Variants in KCNIP3 observed in about 807,000 individuals in gnomAD.
KCNIP3 encodes the protein potassium voltage-gated channel interacting protein 3.
Under a neutral mutation model 35.0 loss-of-function variants are expected in KCNIP3, and 28 were observed. The observed-to-expected ratio is 0.80, with a 90% confidence interval of 0.59 to 1.10. The LOEUF (loss-of-function observed/expected upper bound fraction) is 1.10. KCNIP3 is among the 50% of genes least tolerant of loss of function. KCNIP3 has a pLI of 0.00. For missense variants in KCNIP3, 295 were observed against 338.4 expected, an observed-to-expected ratio of 0.87 and a Z score of 1.01; for synonymous variants, 134 against 133.8, an observed-to-expected ratio of 1.00 and a Z score of -0.01.
chr2:95,335,646 C>T (rs1679042817), intron 2 of KCNIP3, among the ~76,000 whole-genome samples: 1 of 152,142 alleles, frequency 6.6e-6, no homozygotes, highest in Non-Finnish European at 1.5e-5. Flanking sequence ...TTATTAAACC[C>T]ATGATATGAT....
At chr2:95,346,132 T>C (rs1330980186) in intron 2 of KCNIP3, among the ~76,000 whole-genome samples, 1 of 152,162 alleles carries the variant, frequency 6.6e-6, no homozygotes, top group Non-Finnish European at 1.5e-5. Flanking sequence ...CTTCTGCATT[T>C]TCAAAGGGGG....
At chr2:95,331,767 G>A (rs1471395673) in intron 2 of KCNIP3, among the ~76,000 whole-genome samples, 1 of 152,240 alleles carries the variant, frequency 6.6e-6, no homozygotes, top group Admixed American at 6.5e-5. Flanking sequence ...AGTCACGACA[G>A]GAATACCCAC....
Position 95,310,368 on chromosome 2 carries a change from C to A in KCNIP3, c.29C>A (p.Ala10Glu). The change falls in exon 2 of 9, where the codon GCG becomes GAG. Residue 10 changes from alanine to glutamate, a missense_variant. Transcript: ENST00000295225. ...TTCCTACTGCAGGAAGTGACAAAGG[C>A]GTCGGACGGCAGCCTCCTGGGGGAC... The part of the protein sequence containing the change: MQPAKEVTK[A>E]SDGSLLGDLG... 6.2e-7 allele frequency: 1 copy of A among 1,611,546 alleles called. No homozygotes were observed. The highest frequency in any genetic ancestry group is 1.1e-5 in the South Asian group (1 of 90,872).
intron 2 of KCNIP3, chr2:95,311,347 G>C (rs1219631351): frequency 6.6e-6 from 1 of 152,366 alleles, no homozygotes; most frequent in African/African-American, 2.4e-5. Context: ...ACACTCATGG[G>C]ATCACACATG....
chr2:95,305,181 C>T (rs757080697), intron 1 of KCNIP3, among the ~76,000 whole-genome samples: 1 of 152,194 alleles, frequency 6.6e-6, no homozygotes, highest in African/African-American at 2.4e-5. Flanking sequence ...AGGCCGGCAT[C>T]GAGCAGGAGT....
At chr2:95,373,944 C>T (rs895352521) in intron 2 of KCNIP3, among the ~76,000 whole-genome samples, 6 of 152,194 alleles carry the variant, frequency 3.9e-5, no homozygotes, top group Admixed American at 3.3e-4. Flanking sequence ...TTCAAGTGTC[C>T]CTCATGCCTG....
rs556711196 is a variant in KCNIP3, at chr2:95,361,616, G to A, written c.182-12680G>A. Among the ~76,000 whole-genome samples, 8 of 152,264 alleles carry A rather than the reference G, an allele frequency of 5.3e-5. No individual in the cohort carries two copies. In the South Asian group the frequency reaches 1.7e-3, roughly 32 times the overall value. ...CTCCTGCCCACTCTGTGCCCAACAG[G>A]TGTAAACATCAGGGAATGCTGGGGC... On this transcript the variant is annotated intron_variant, in intron 2 of 8. Transcript: ENST00000295225.
intron 2 of KCNIP3, among the ~76,000 whole-genome samples, chr2:95,358,202 T>C (rs965376470): frequency 6.6e-6 from 1 of 152,202 alleles, no homozygotes; most frequent in Non-Finnish European, 1.5e-5. Flanking sequence ...TGAGGGGCTT[T>C]GCAGAGGTAC....
chr2:95,331,713 G>A (rs758594280), intron 2 of KCNIP3, among the ~76,000 whole-genome samples: 6 of 152,274 alleles, frequency 3.9e-5, no homozygotes, highest in Non-Finnish European at 7.4e-5. Context: ...TTCTGCCATC[G>A]GTAGCCACGA....
chr2:95,358,421 T>A (rs1242514988), intron 2 of KCNIP3, among the ~76,000 whole-genome samples: 1 of 152,230 alleles, frequency 6.6e-6, no homozygotes, highest in Non-Finnish European at 1.5e-5. Flanking sequence ...TTGTAGTCTG[T>A]CAGGCTGCTG....
chr2:95,340,195 G>T (rs1347170828), intron 2 of KCNIP3, among the ~76,000 whole-genome samples: 1 of 152,208 alleles, frequency 6.6e-6, no homozygotes, highest in African/African-American at 2.4e-5. Context: ...AAATTAGCCA[G>T]GCATGGTGGT....
intron 2 of KCNIP3, among the ~76,000 whole-genome samples, chr2:95,349,143 G>A (rs3772031): frequency 0.77 from 116,203 of 151,784 alleles, 44,870 homozygotes; most frequent in African/African-American, 0.85. Flanking sequence ...TGTTCTGTTG[G>A]TGGGGAATGG....
At chr2:95,333,151 C>T (rs948599761) in intron 2 of KCNIP3, among the ~76,000 whole-genome samples, 6 of 152,180 alleles carry the variant, frequency 3.9e-5, no homozygotes, top group Non-Finnish European at 8.8e-5. Flanking sequence ...AAAACAAAAA[C>T]CAAACGAATG....
intron 2 of KCNIP3, among the ~76,000 whole-genome samples, chr2:95,317,511 T>C (rs1261776134): frequency 6.6e-6 from 1 of 152,064 alleles, no homozygotes; most frequent in Non-Finnish European, 1.5e-5. Flanking sequence ...GCACTCTGGC[T>C]GCCCCGGGGC....
intron 2 of KCNIP3, among the ~76,000 whole-genome samples, chr2:95,364,841 A>G (rs1414583950): frequency 6.6e-6 from 1 of 152,150 alleles, no homozygotes; most frequent in Non-Finnish European, 1.5e-5. Flanking sequence ...TCTTTTCTTT[A>G]TAAATAATGC....
intron 2 of KCNIP3, among the ~76,000 whole-genome samples, chr2:95,338,947 T>C (rs1367574078): frequency 2.0e-5 from 3 of 152,190 alleles, no homozygotes; most frequent in Admixed American, 2.0e-4. Flanking sequence ...CATAAGTGCT[T>C]GCAGCATTGA....
chr2:95,313,106 C>A (rs954947065), intron 2 of KCNIP3: 12 of 152,514 alleles, frequency 7.9e-5, no homozygotes, highest in African/African-American at 2.9e-4. Context: ...AGCACGGTGT[C>A]CTGAGCCTTG....
At chr2:95,334,739 A>G (rs1454367309) in intron 2 of KCNIP3, among the ~76,000 whole-genome samples, 1 of 152,244 alleles carries the variant, frequency 6.6e-6, no homozygotes, top group Non-Finnish European at 1.5e-5. Context: ...GGAACCTTTC[A>G]TCACTGGGGA....
At chr2:95,322,649 G>T (rs1287811946) in intron 2 of KCNIP3, among the ~76,000 whole-genome samples, 1 of 152,194 alleles carries the variant, frequency 6.6e-6, no homozygotes, top group African/African-American at 2.4e-5. Flanking sequence ...TTGGGGCCTC[G>T]GTTTTCTTGT....
Sources: gnomAD v4.1 joint callset for allele counts (sites outside exome capture counted in the v4.1 genomes callset) on GRCh38, gnomAD v4.1.1 for gene constraint, MANE v1.5 for transcripts, NCBI Gene and HGNC (gene_info 2026-07-23, HGNC 2026-07-21) for gene names.